KAZN: variants seen among roughly 807,000 people sequenced by gnomAD.
The protein encoded by KAZN is kazrin.
Under a neutral mutation model 87.4 loss-of-function variants are expected in KAZN, and 40 were observed. That is an observed-to-expected ratio of 0.46 (90% CI 0.36 to 0.60). The LOEUF is 0.60. KAZN is among the 20% of genes least tolerant of loss of function. KAZN has a pLI of 0.00. For missense variants in KAZN, 898 were observed against 1,073.9 expected, an observed-to-expected ratio of 0.84 and a Z score of 2.29; for synonymous variants, 466 against 458.3, an observed-to-expected ratio of 1.02 and a Z score of -0.22.
Position 15,060,235 on chromosome 1 carries a change from A to C in KAZN, c.980A>C (p.Glu327Ala). 1 of 1,614,218 alleles carries C rather than the reference A, an allele frequency of 6.2e-7. No homozygotes were observed. Among genetic ancestry groups the C allele is most frequent in the Non-Finnish European group, 8.5e-7 (1 of 1,180,038 alleles). The change falls in exon 6 of 15, where the codon GAA becomes GCA. Residue 327 changes from glutamate to alanine, a missense_variant. Around this residue, in one of 3 missense-constraint regions of KAZN, gnomAD observed 521 missense variants for 689.4 expected, o/e 0.76. Coordinates refer to ENST00000376030, the MANE Select transcript of KAZN (RefSeq NM_201628.3). ...GTCATCTCCGACGCATCTGCCGCCG[A>C]AGGCGACCGGTCGTCCACACCGAGC... ...PSVISDASAA[E>A]GDRSSTPSDI...
chr1:14,742,261 A>G (rs1018252781), intron 1 of KAZN, among the ~76,000 whole-genome samples: 1 of 152,170 alleles, frequency 6.6e-6, no homozygotes, highest in Non-Finnish European at 1.5e-5. Context: ...TAGGCACTGA[A>G]TAAATATTTG....
intron 1 of KAZN, among the ~76,000 whole-genome samples, chr1:14,774,623 A>C (rs1645123578): frequency 6.6e-6 from 1 of 151,954 alleles, no homozygotes; most frequent in South Asian, 2.1e-4. Context: ...GGCATGCATC[A>C]CCACACCTGG....
chr1:14,715,871 G>A (rs1642767032), intron 1 of KAZN, among the ~76,000 whole-genome samples: 1 of 152,114 alleles, frequency 6.6e-6, no homozygotes, highest in African/African-American at 2.4e-5. Flanking sequence ...GGTTGACAAG[G>A]TTCCGGGCTC....
chr1:14,753,130 A>G (rs1644460133), intron 1 of KAZN, among the ~76,000 whole-genome samples: 1 of 152,214 alleles, frequency 6.6e-6, no homozygotes, highest in South Asian at 2.1e-4. Flanking sequence ...AGGATCCATC[A>G]TTGGAGGGCA....
intron 2 of KAZN, among the ~76,000 whole-genome samples, chr1:14,389,854 G>A (rs534067487): frequency 6.6e-6 from 1 of 152,236 alleles, no homozygotes; most frequent in South Asian, 2.1e-4. Context: ...ATAACTAAAA[G>A]AGTAAAATTG....
intron 1 of KAZN, among the ~76,000 whole-genome samples, chr1:13,901,259 A>G (rs953080448): frequency 6.6e-6 from 1 of 152,192 alleles, no homozygotes; most frequent in Non-Finnish European, 1.5e-5. Context: ...ATTCTCAAGC[A>G]TGTCTTTGTT....
At chr1:14,402,106 CATAT>C (rs1445264034) in intron 2 of KAZN, among the ~76,000 whole-genome samples, 34 of 150,194 alleles carry the variant, frequency 2.3e-4, no homozygotes, top group African/African-American at 8.1e-4. Flanking sequence ...AAAAAGAGAA[CATAT>C]ATATTTTCAG....
chr1:14,531,322 C>T (rs1286145877), intron 2 of KAZN, among the ~76,000 whole-genome samples: 2 of 152,222 alleles, frequency 1.3e-5, no homozygotes, highest in Non-Finnish European at 1.5e-5. Flanking sequence ...CTCCCATATA[C>T]TGGAGATCCC....
intron 4 of KAZN, among the ~76,000 whole-genome samples, chr1:15,050,154 A>G (rs531869305): frequency 2.8e-5 from 3 of 106,756 alleles, no homozygotes; most frequent in African/African-American, 1.3e-4. Flanking sequence ...ATAATAGAAT[A>G]GAATGGAATA....
intron 2 of KAZN, among the ~76,000 whole-genome samples, chr1:15,032,703 C>T (rs540891032): frequency 8.6e-5 from 13 of 152,036 alleles, no homozygotes; most frequent in Non-Finnish European, 1.5e-4. Context: ...AATCCCAGCA[C>T]TTTGAGAAGC....
chr1:14,639,653 A>ATT lies in KAZN; in HGVS notation c.226+40440_226+40441dup, dbSNP rs371396058. On this transcript the variant is annotated intron_variant, in intron 1 of 14. Transcript: ENST00000376030. ...CACAAGCTGTTTGTAAACTTCAGCA[A>ATT]TTTTTTTTTTTACCATCTCTACTGT... Among the ~76,000 whole-genome samples, 173 of 148,840 alleles carry ATT rather than the reference A, an allele frequency of 1.2e-3. 1 individual carries two copies. The highest frequency in any genetic ancestry group is 4.1e-3 in the African/African-American group (168 of 40,794).
intron 5 of KAZN, among the ~76,000 whole-genome samples, chr1:15,058,374 G>A (rs1010186642): frequency 1.3e-5 from 2 of 152,366 alleles, no homozygotes; most frequent in Admixed American, 1.3e-4. Context: ...CCCATCTTCT[G>A]TATTAGAGCA....
intron 1 of KAZN, among the ~76,000 whole-genome samples, chr1:14,020,826 T>C (rs1640790234): frequency 6.6e-6 from 1 of 152,240 alleles, no homozygotes; most frequent in Non-Finnish European, 1.5e-5. Context: ...TCTTCTGGAA[T>C]TCTCAAAACA....
chr1:14,663,312 C>T (rs554180886), intron 1 of KAZN, among the ~76,000 whole-genome samples: 8 of 152,224 alleles, frequency 5.3e-5, no homozygotes, highest in African/African-American at 1.9e-4. Context: ...ATTCTTACTC[C>T]TATTTGCACA....
At chr1:14,573,935 G>T (rs1490567398) in intron 2 of KAZN, among the ~76,000 whole-genome samples, 2 of 152,098 alleles carry the variant, frequency 1.3e-5, no homozygotes, top group African/African-American at 4.8e-5. Context: ...GCCAGAGGTG[G>T]CTAGGAGCTC....
At chr1:14,927,245 G>A (rs966664206) in intron 1 of KAZN, among the ~76,000 whole-genome samples, 1 of 152,192 alleles carries the variant, frequency 6.6e-6, no homozygotes, top group Non-Finnish European at 1.5e-5. Flanking sequence ...ACAGGAATCC[G>A]GTTCTTTGAT....
intron 2 of KAZN, among the ~76,000 whole-genome samples, chr1:14,582,361 G>A (rs1675608543): frequency 6.6e-6 from 1 of 152,130 alleles, no homozygotes; most frequent in Admixed American, 6.5e-5. Flanking sequence ...GTTTTGGGCA[G>A]GTCACTTCCC....
chr1:14,901,996 A>G (rs1039070294), intron 1 of KAZN, among the ~76,000 whole-genome samples: 1 of 152,298 alleles, frequency 6.6e-6, no homozygotes, highest in Non-Finnish European at 1.5e-5. Context: ...TGGTAAAGGC[A>G]ACTTATGCAG....
intron 1 of KAZN, among the ~76,000 whole-genome samples, chr1:13,936,242 A>C (rs1240877065): frequency 1.3e-5 from 2 of 151,488 alleles, no homozygotes; most frequent in African/African-American, 4.8e-5. Context: ...GATTACAGGC[A>C]TGCACCACCA....
Sources: gnomAD v4.1 joint callset for allele counts (sites outside exome capture counted in the v4.1 genomes callset) on GRCh38, gnomAD v4.1.1 for gene constraint, gnomAD v4.1.1 regional missense constraint, MANE v1.5 for transcripts, NCBI Gene and HGNC (gene_info 2026-07-23, HGNC 2026-07-21) for gene names.